PTPRK: variants seen among roughly 807,000 people sequenced by gnomAD.
PTPRK encodes protein tyrosine phosphatase receptor type K.
Under a neutral mutation model 178.0 loss-of-function variants are expected in PTPRK, and 75 were observed. The ratio of observed to expected loss-of-function variants is 0.42; its 90% CI spans 0.35 to 0.51. The LOEUF (loss-of-function observed/expected upper bound fraction) is 0.51, where lower values mean the gene tolerates loss of function less well. PTPRK is among the 20% of genes least tolerant of loss of function. The pLI is 0.02. For synonymous variants in PTPRK, 637 were observed against 620.6 expected, an observed-to-expected ratio of 1.03 and a Z score of -0.39; for missense variants, 1,441 against 1,797.8, an observed-to-expected ratio of 0.80 and a Z score of 3.59.
At chr6:128,319,719 G>T (rs1442861499) in intron 3 of PTPRK, among the ~76,000 whole-genome samples, 1 of 152,092 alleles carries the variant, frequency 6.6e-6, no homozygotes, top group Non-Finnish European at 1.5e-5. Context: ...GTATTGATTT[G>T]ACTTTGAAAG....
intron 2 of PTPRK, among the ~76,000 whole-genome samples, chr6:128,366,714 A>C (rs954048725): frequency 6.6e-6 from 1 of 152,154 alleles, no homozygotes; most frequent in Non-Finnish European, 1.5e-5. Context: ...AATAACACAC[A>C]ATGAGGATGT....
intron 3 of PTPRK, among the ~76,000 whole-genome samples, chr6:128,286,012 G>T (rs182611235): frequency 2.0e-5 from 3 of 151,960 alleles, no homozygotes; most frequent in Non-Finnish European, 2.9e-5. Context: ...CTTTCTGTAC[G>T]GGACCCAGAA....
chr6:128,196,295 T>C (rs1192626591), intron 6 of PTPRK, among the ~76,000 whole-genome samples: 2 of 152,104 alleles, frequency 1.3e-5, no homozygotes, highest in African/African-American at 4.8e-5. Context: ...ATACCTGTCC[T>C]CAATAATCAA....
In PTPRK at chr6:128,301,264, C is replaced by T. The variant is rs949352044; in HGVS notation, c.495+20775G>A. On this transcript the variant is annotated intron_variant, in intron 3 of 29. Coordinates refer to ENST00000368226, the MANE Select transcript of PTPRK (RefSeq NM_002844.4). Reference sequence around the variant, plus strand: ...ATTTCTTTTAATACAATTCATTTTTCCCAAAATAATGTTTTTACTCATACA... The same window carrying T: ...ATTTCTTTTAATACAATTCATTTTTTCCAAAATAATGTTTTTACTCATACA... Among the ~76,000 whole-genome samples, 6 of 151,992 alleles carry T rather than the reference C, an allele frequency of 3.9e-5. No homozygotes were observed. The East Asian group carries it at 1.2e-3, about 29-fold the overall frequency.
At position 128,219,050 on chromosome 6, in the gene PTPRK, T is replaced by C. The variant is rs1164207239; in HGVS notation, c.740A>G (p.Asn247Ser). The change falls in exon 6 of 30, where the codon AAT becomes AGT. Residue 247 changes from asparagine to serine, a missense_variant. By Grantham distance (46) the Asn-to-Ser change is conservative (BLOSUM62 1). Around this residue, in one of 4 missense-constraint regions of PTPRK, gnomAD observed 945 missense variants for 1,080.6 expected, o/e 0.87. Transcript: ENST00000368226. ...DIPVAQTKNINHRRFAASFRL... is the reference protein window; with the variant it reads ...DIPVAQTKNISHRRFAASFRL... Reference sequence around the variant, plus strand: ...GAAGGAAGCGGCAAACCTTCTATGATTGATGTTCTTAGTCTGGGCTACTGG... The same window carrying C: ...GAAGGAAGCGGCAAACCTTCTATGACTGATGTTCTTAGTCTGGGCTACTGG... 1.1e-5 allele frequency: 17 copies of C among 1,614,012 alleles called. No individual in the cohort carries two copies. The highest frequency in any genetic ancestry group is 1.4e-5 in the Non-Finnish European group (16 of 1,179,892).
chr6:128,230,436 G>T (rs56932458), intron 5 of PTPRK, among the ~76,000 whole-genome samples: 9,649 of 152,112 alleles, frequency 0.063, 795 homozygotes, highest in African/African-American at 0.19. Flanking sequence ...GTAGAGGCAG[G>T]GAGACAGCTC....
intron 8 of PTPRK, among the ~76,000 whole-genome samples, chr6:128,084,056 T>C (rs1785305538): frequency 6.6e-6 from 1 of 152,158 alleles, no homozygotes; most frequent in African/African-American, 2.4e-5. Flanking sequence ...AATGCAAAGT[T>C]ATTTTTATTC....
chr6:128,421,441 G>A (rs1843467555), intron 1 of PTPRK, among the ~76,000 whole-genome samples: 1 of 151,742 alleles, frequency 6.6e-6, no homozygotes, highest in Non-Finnish European at 1.5e-5. Context: ...TAAGAGAATG[G>A]GGAGTTTTTT....
At chr6:128,386,037 GT>G (rs1159404554) in intron 2 of PTPRK, among the ~76,000 whole-genome samples, 2 of 151,924 alleles carry the variant, frequency 1.3e-5, no homozygotes, top group African/African-American at 4.8e-5. Context: ...TTAATGTTCT[GT>G]TTTTTTGATT....
At chr6:128,194,378 G>A (rs1248704779) in intron 6 of PTPRK, among the ~76,000 whole-genome samples, 2 of 152,048 alleles carry the variant, frequency 1.3e-5, no homozygotes, top group East Asian at 1.9e-4. Context: ...GAGCCACCGC[G>A]CCCGGCCAAT....
chr6:128,231,560 T>C (rs1219456057), intron 5 of PTPRK, among the ~76,000 whole-genome samples: 1 of 152,160 alleles, frequency 6.6e-6, no homozygotes, highest in African/African-American at 2.4e-5. Flanking sequence ...AGTTTTCCCA[T>C]AGATTAATTC....
chr6:127,970,058 T>C lies in PTPRK; in HGVS notation c.*169A>G, dbSNP rs1773737102. 1 of 501,398 alleles carries C rather than the reference T, an allele frequency of 2.0e-6. No individual in the cohort carries two copies. Among genetic ancestry groups the C allele is most frequent in the Non-Finnish European group, 3.5e-6 (1 of 284,922 alleles). The allele number at this position is 501,398 out of a possible 1,614,324, so 31.1% of individuals were successfully genotyped here. A position where few individuals can be genotyped will look rare whatever the true frequency, so the allele number is the denominator to read the frequency against. On this transcript the variant is annotated 3_prime_UTR_variant, in exon 30 of 30. Transcript: ENST00000368226. Reference sequence around the variant, plus strand: ...AGTAATAAAAACTAATTCAGTCCTTTTTATTAAGATACACAACTTCATAAA... The same window carrying C: ...AGTAATAAAAACTAATTCAGTCCTTCTTATTAAGATACACAACTTCATAAA...
intron 7 of PTPRK, among the ~76,000 whole-genome samples, chr6:128,109,151 T>C (rs930445478): frequency 2.0e-5 from 3 of 152,168 alleles, no homozygotes; most frequent in Non-Finnish European, 4.4e-5. Flanking sequence ...TGTAAAACAA[T>C]ATTAGAGTAG....
intron 1 of PTPRK, among the ~76,000 whole-genome samples, chr6:128,455,835 A>G (rs1848318788): frequency 6.6e-6 from 1 of 152,142 alleles, no homozygotes; most frequent in Non-Finnish European, 1.5e-5. Flanking sequence ...AGAGATGGCT[A>G]TCAGGTACCT....
intron 6 of PTPRK, among the ~76,000 whole-genome samples, chr6:128,194,067 T>TATATA (rs1491310879): frequency 2.5e-4 from 17 of 68,860 alleles, no homozygotes; most frequent in African/African-American, 9.6e-4. Flanking sequence ...TATATATATA[T>TATATA]TATTATTATT....
At chr6:128,046,104 T>C (rs192600481) in intron 13 of PTPRK, among the ~76,000 whole-genome samples, 2 of 152,290 alleles carry the variant, frequency 1.3e-5, no homozygotes, top group Admixed American at 1.3e-4. Context: ...TCATGAAACA[T>C]TGATTTTTCA....
intron 7 of PTPRK, among the ~76,000 whole-genome samples, chr6:128,177,567 C>A (rs898216834): frequency 1.3e-5 from 2 of 151,704 alleles, no homozygotes; most frequent in African/African-American, 4.8e-5. Context: ...TCAGATGACA[C>A]AATTTTAAGG....
intron 2 of PTPRK, among the ~76,000 whole-genome samples, chr6:128,328,980 T>C (rs1403498229): frequency 4.6e-5 from 7 of 152,278 alleles, no homozygotes; most frequent in Non-Finnish European, 8.8e-5. Context: ...CTCTGGGAAA[T>C]TCTTCTATTC....
intron 7 of PTPRK, among the ~76,000 whole-genome samples, chr6:128,095,734 A>G (rs922023535): frequency 3.9e-5 from 6 of 152,294 alleles, no homozygotes; most frequent in African/African-American, 1.4e-4. Context: ...AGAAGCTGGT[A>G]AAAGGACTGG....
Sources: gnomAD v4.1 joint callset for allele counts (sites outside exome capture counted in the v4.1 genomes callset) on GRCh38, gnomAD v4.1.1 for gene constraint, gnomAD v4.1.1 regional missense constraint, MANE v1.5 for transcripts, NCBI Gene and HGNC (gene_info 2026-07-23, HGNC 2026-07-21) for gene names.